CDH4: variants seen among roughly 807,000 people sequenced by gnomAD.
CDH4 encodes the protein cadherin-4.
CDH4 carries 33 observed loss-of-function variants against 86.0 expected under a neutral mutation model. That is an observed-to-expected ratio of 0.38 (90% CI 0.29 to 0.51). CDH4 has a LOEUF of 0.51. Among genes scored for constraint, CDH4 ranks in the 20% least tolerant of loss-of-function variants. The pLI is 0.86. For synonymous variants in CDH4, 555 were observed against 549.4 expected, an observed-to-expected ratio of 1.01 and a Z score of -0.14; for missense variants, 1,114 against 1,307.4, an observed-to-expected ratio of 0.85 and a Z score of 2.28.
chr20:61,725,915 A>G lies in CDH4; in HGVS notation c.170-17648A>G, dbSNP rs191841371. 4.6e-3 allele frequency among the ~76,000 whole-genome samples: 708 copies of G among 152,298 alleles called. 18 individuals are homozygous for G. The highest frequency in any genetic ancestry group is 0.036 in the Admixed American group (557 of 15,300). ...ATGAGGGAGGCTTGCGGCTCTAGAA[A>G]TAGCCTGGCCGGTCCTGTGTCTTGT... On this transcript the variant is annotated intron_variant, in intron 2 of 15. Transcript: ENST00000614565.
chr20:61,327,278 G>C (rs1221787760), intron 2 of CDH4, among the ~76,000 whole-genome samples: 1 of 152,108 alleles, frequency 6.6e-6, no homozygotes, highest in East Asian at 1.9e-4. Flanking sequence ...GAAATAAATA[G>C]AAACCTGAGC....
At chr20:61,493,243 T>G (rs995036367) in intron 2 of CDH4, among the ~76,000 whole-genome samples, 1 of 152,124 alleles carries the variant, frequency 6.6e-6, no homozygotes, top group Non-Finnish European at 1.5e-5. Context: ...GGAGTTCCAT[T>G]GTCTGTGAAG....
At position 61,613,166 on chromosome 20, in the gene CDH4, T is replaced by A. The variant is rs190797924; in HGVS notation, c.170-130397T>A. Among the ~76,000 whole-genome samples the A allele has an allele frequency of 1.3e-3, 201 of 152,188 alleles. 1 individual carries two copies. The highest frequency in any genetic ancestry group is 8.3e-3 in the South Asian group (40 of 4,826). ...GAAAAAACAGGGGCTTTTCTTCTTC[T>A]CCTGCCCCCTCTTGGTTTCACACTC... On this transcript the variant is annotated intron_variant, in intron 2 of 15. Transcript: ENST00000614565.
At chr20:61,865,833 G>T (rs182178092) in intron 6 of CDH4, among the ~76,000 whole-genome samples, 4 of 151,608 alleles carry the variant, frequency 2.6e-5, no homozygotes, top group African/African-American at 9.7e-5. Context: ...GCTGGTTTGT[G>T]TATATAATGG....
At chr20:61,642,605 A>G (rs773423226) in intron 2 of CDH4, among the ~76,000 whole-genome samples, 2 of 152,234 alleles carry the variant, frequency 1.3e-5, no homozygotes, top group South Asian at 2.1e-4. Context: ...GAATCCCCCA[A>G]TGAAGGCAGA....
At chr20:61,445,449 T>A (rs1398855473) in intron 2 of CDH4, among the ~76,000 whole-genome samples, 1 of 152,210 alleles carries the variant, frequency 6.6e-6, no homozygotes. Context: ...GAGGGCCCTC[T>A]GAGGCAGGCG....
chr20:61,284,774 G>T (rs918417297), intron 2 of CDH4, among the ~76,000 whole-genome samples: 1 of 152,194 alleles, frequency 6.6e-6, no homozygotes, highest in East Asian at 1.9e-4. Context: ...GCTTTCTAGG[G>T]CCTGGAACCA....
At chr20:61,723,978 A>AG (rs1568778819) in intron 2 of CDH4, among the ~76,000 whole-genome samples, 14 of 67,594 alleles carry the variant, frequency 2.1e-4, no homozygotes, top group South Asian at 7.2e-4. Context: ...TCCATGTGGC[A>AG]GGGGGGTAGG....
At chr20:61,764,308 G>A (rs779128281) in intron 3 of CDH4, among the ~76,000 whole-genome samples, 10 of 152,210 alleles carry the variant, frequency 6.6e-5, no homozygotes, top group African/African-American at 1.7e-4. Context: ...CCAGTCGAAC[G>A]GAAGTTGTCT....
At chr20:61,346,828 T>C (rs2084681794) in intron 2 of CDH4, among the ~76,000 whole-genome samples, 1 of 152,036 alleles carries the variant, frequency 6.6e-6, no homozygotes, top group Non-Finnish European at 1.5e-5. Context: ...GGCTCTGCGC[T>C]ATGCAGGTGA....
intron 2 of CDH4, among the ~76,000 whole-genome samples, chr20:61,317,453 C>T (rs1600860777): frequency 6.6e-6 from 1 of 152,152 alleles, no homozygotes; most frequent in Non-Finnish European, 1.5e-5. Context: ...ATTAGCAGCC[C>T]CCACCCTCGT....
intron 2 of CDH4, among the ~76,000 whole-genome samples, chr20:61,715,852 T>C (rs2087946970): frequency 6.6e-6 from 1 of 152,342 alleles, no homozygotes; most frequent in Admixed American, 6.5e-5. Flanking sequence ...CTGAGGGCCA[T>C]AGCAGGAGCC....
chr20:61,526,649 T>G (rs1315469711), intron 2 of CDH4, among the ~76,000 whole-genome samples: 1 of 75,124 alleles, frequency 1.3e-5, no homozygotes, highest in Non-Finnish European at 2.5e-5. Flanking sequence ...CCCTCCCCCC[T>G]CCCCCCACCC....
intron 2 of CDH4, among the ~76,000 whole-genome samples, chr20:61,688,002 G>A (rs1220079467): frequency 6.6e-6 from 1 of 152,094 alleles, no homozygotes; most frequent in Non-Finnish European, 1.5e-5. Context: ...TTCATAATAA[G>A]TCGTAAGTGC....
At chr20:61,396,022 G>C (rs1047204608) in intron 2 of CDH4, among the ~76,000 whole-genome samples, 1 of 152,092 alleles carries the variant, frequency 6.6e-6, no homozygotes, top group African/African-American at 2.4e-5. Flanking sequence ...ATTAGGACTG[G>C]ATGTGGGGCC....
intron 2 of CDH4, among the ~76,000 whole-genome samples, chr20:61,408,756 A>G (rs1337644083): frequency 2.0e-5 from 3 of 152,078 alleles, no homozygotes; most frequent in Non-Finnish European, 4.4e-5. Context: ...ATGGAGAGTG[A>G]AGCAGCTTAT....
chr20:61,892,908 G>A (rs903243721), intron 7 of CDH4, among the ~76,000 whole-genome samples: 1 of 151,740 alleles, frequency 6.6e-6, no homozygotes, highest in African/African-American at 2.4e-5. Context: ...GGTAGAAAGA[G>A]GGAGGGAGGG....
In CDH4 at chr20:61,434,323, C is replaced by T. The variant is rs182894442; in HGVS notation, c.169+179386C>T. Among the ~76,000 whole-genome samples the T allele has an allele frequency of 1.3e-4, 20 of 152,290 alleles. No homozygotes were observed. In the East Asian group the frequency reaches 3.5e-3, roughly 27 times the overall value. ...GGCTCTGCACAAGCTAGTCCCCTCT[C>T]TCCGCTATTTGATGGAATAATAGAT... On this transcript the variant is annotated intron_variant, in intron 2 of 15. Transcript: ENST00000614565.
At chr20:61,521,693 C>A (rs915922264) in intron 2 of CDH4, among the ~76,000 whole-genome samples, 4 of 152,196 alleles carry the variant, frequency 2.6e-5, no homozygotes, top group Admixed American at 2.0e-4. Context: ...TCAGAACAAA[C>A]CACAATTAAT....
Sources: gnomAD v4.1 joint callset for allele counts (sites outside exome capture counted in the v4.1 genomes callset) on GRCh38, gnomAD v4.1.1 for gene constraint, MANE v1.5 for transcripts, NCBI Gene and HGNC (gene_info 2026-07-23, HGNC 2026-07-21) for gene names.